The following BAHCC1 variants were observed in gnomAD, a reference collection of about 807,000 sequenced individuals.
BAHCC1 encodes the protein BAH domain and coiled-coil containing 1, also known as BAH and coiled-coil domain-containing protein 1.
A neutral mutation model predicts 88.2 loss-of-function variants in BAHCC1; 43 were observed. That is an observed-to-expected ratio of 0.49 (90% CI 0.38 to 0.63). The LOEUF (loss-of-function observed/expected upper bound fraction) is 0.63. BAHCC1 is among the 20% of genes least tolerant of loss of function. The pLI, the probability that BAHCC1 is intolerant of heterozygous loss-of-function variation, is 0.00. For missense variants in BAHCC1, 3,023 were observed against 1,654.8 expected (o/e 1.83, Z -14.34); for synonymous variants, 1,510 against 745.5 (o/e 2.03, Z -16.71).
At chr17:81,448,664 A>G (rs2064577892) in intron 11 of BAHCC1, among the ~76,000 whole-genome samples, 1 of 152,054 alleles carries the variant, frequency 6.6e-6, no homozygotes, top group Middle Eastern at 3.2e-3. Flanking sequence ...ACCGCGATGA[A>G]GAGAATGTTC....
In BAHCC1 at chr17:81,447,771, G is replaced by A. The variant is rs782720227; in HGVS notation, c.3899G>A (p.Gly1300Glu). ...ACAGTCCCCCTGCCTCATAGCTCAG[G>A]GATTCATGGGATCGCTCTGCTCAGC... is the stretch of plus-strand genomic sequence containing the variant. Reference protein sequence around the residue: ...PSTVPLPHSSGIHGIALLSEL... With the variant: ...PSTVPLPHSSEIHGIALLSEL... Residue 1300 changes from glycine to glutamate, a missense_variant, in exon 11 of 28, where the codon GGG (glycine) becomes GAG (glutamate). Gly to Glu is a moderately conservative substitution (Grantham distance 98). Coordinates refer to ENST00000675386, the MANE Select transcript of BAHCC1 (RefSeq NM_001377448.1). The A allele has an allele frequency of 8.0e-6, 6 of 749,380 alleles. No individual in the cohort carries two copies. Among genetic ancestry groups the A allele is most frequent in the Non-Finnish European group, 1.5e-5 (6 of 403,088 alleles). 46.4% of individuals were successfully genotyped at this position (749,380 alleles called of 1,614,324 possible).
chr17:81,422,448 C>T (rs1159662542), intron 2 of BAHCC1, among the ~76,000 whole-genome samples: 1 of 152,268 alleles, frequency 6.6e-6, no homozygotes, highest in Non-Finnish European at 1.5e-5. Context: ...CCCAGATCAG[C>T]AGCCCTGCCT....
Position 81,460,949 on chromosome 17 carries a change from C to G in BAHCC1, c.6286C>G (p.Leu2096Val), listed in dbSNP as rs1555659048. The G allele has an allele frequency of 1.3e-6, 1 of 771,532 alleles. No individual in the cohort carries two copies. The highest frequency in any genetic ancestry group is 2.4e-6 in the Non-Finnish European group (1 of 417,840). 47.8% of individuals were successfully genotyped at this position (771,532 alleles called of 1,614,324 possible). A position where few individuals can be genotyped will look rare whatever the true frequency, so the allele number is the denominator to read the frequency against. The change falls in exon 26 of 28, where the codon CTG (leucine) becomes GTG (valine). Residue 2096 changes from leucine to valine, a missense_variant. Transcript: ENST00000675386. ...CCTGGGCCGCCGTGGCAGCCCCTTG[C>G]TGAGCTGGTCCGCGGTGGCGCAGAC... ...HFLGRRGSPL[L>V]SWSAVAQTKR...
rs2063738034 is a variant in BAHCC1 at position 81,395,505 on chromosome 17, C to G, written c.-337C>G. The G allele has an allele frequency of 6.6e-6, 1 of 152,194 alleles. No homozygotes were observed. Among genetic ancestry groups the G allele is most frequent in the African/African-American group, 2.4e-5 (1 of 41,442 alleles). The allele number at this position is 152,194 out of a possible 1,614,324, so 9.4% of individuals were successfully genotyped here. A position where few individuals can be genotyped will look rare whatever the true frequency, so the allele number is the denominator to read the frequency against. ...CCGCTCTGGATGGGCTCGCTAGAGT[C>G]GTTGTTGTGGAAGCGGTGCATTTAC... On this transcript the variant is annotated 5_prime_UTR_variant, in exon 1 of 28. Coordinates refer to ENST00000675386, the MANE Select transcript of BAHCC1 (RefSeq NM_001377448.1).
chr17:81,406,551 G>T (rs1385026236), intron 2 of BAHCC1, among the ~76,000 whole-genome samples: 1 of 152,254 alleles, frequency 6.6e-6, no homozygotes, highest in South Asian at 2.1e-4. Flanking sequence ...ATGGGGCCTG[G>T]AAGGGCCTCG....
In BAHCC1 at chr17:81,452,894, C is replaced by T. The variant is rs782419453; in HGVS notation, c.4445+43C>T. 2.4e-4 allele frequency: 167 copies of T among 683,552 alleles called. 1 individual carries two copies. The highest frequency in any genetic ancestry group is 3.6e-4 in the Non-Finnish European group (135 of 380,138). The allele number at this position is 683,552 out of a possible 1,614,324, so 42.3% of individuals were successfully genotyped here. ...GCATGGCAGGGCGCGTGTGGCCGGC[C>T]CTGGGCCCTCGAGGCTGGGGAGCAG... On this transcript the variant is annotated intron_variant, in intron 14 of 27. Coordinates refer to ENST00000675386, the MANE Select transcript of BAHCC1 (RefSeq NM_001377448.1).
rs782486920 is a variant in BAHCC1, at chr17:81,445,536, C to G, written c.3018C>G (p.Pro1006=). The change falls in exon 10 of 28, where the codon CCC becomes CCG. Residue 1006 remains proline, a synonymous_variant. Transcript: ENST00000675386. ...PPDPKPPASS[P]TPPPRPSAPC... is the part of the protein sequence containing the mutation. ...ACCCAAAGCCCCCCGCCAGCTCCCC[C>G]ACCCCACCACCTCGGCCCAGCGCCC... 9.3e-4 allele frequency: 673 copies of G among 727,004 alleles called. 13 individuals carry two copies. The East Asian group carries it at 0.017, about 18-fold the overall frequency. 45.0% of individuals were successfully genotyped at this position (727,004 alleles called of 1,614,324 possible).
chr17:81,403,615 AT>A (rs1401189222), intron 2 of BAHCC1, among the ~76,000 whole-genome samples: 3 of 152,146 alleles, frequency 2.0e-5, no homozygotes, highest in African/African-American at 7.2e-5. Flanking sequence ...ATCATGTGAT[AT>A]TTTTTTGTAA....
chr17:81,415,609 C>G (rs986658841), intron 2 of BAHCC1: 7 of 506,244 alleles, frequency 1.4e-5, no homozygotes, highest in Non-Finnish European at 2.4e-5. Flanking sequence ...CTGAGCCAAC[C>G]TCGTTTTGGG....
At chr17:81,431,838 C>T (rs1361268881) in intron 3 of BAHCC1, among the ~76,000 whole-genome samples, 2 of 152,206 alleles carry the variant, frequency 1.3e-5, no homozygotes, top group Admixed American at 1.3e-4. Flanking sequence ...CCCTCTGCCC[C>T]GCAAGCTCCT....
At chr17:81,427,212 C>T (rs2064210631) in intron 3 of BAHCC1, among the ~76,000 whole-genome samples, 1 of 152,244 alleles carries the variant, frequency 6.6e-6, no homozygotes, top group Admixed American at 6.5e-5. Context: ...CAGATGTGTG[C>T]TCCAGATGGG....
intron 2 of BAHCC1, among the ~76,000 whole-genome samples, chr17:81,416,049 CGT>C (rs1349874121): frequency 1.3e-4 from 18 of 136,876 alleles, no homozygotes; most frequent in Admixed American, 1.4e-4. Flanking sequence ...CGCATGTGTG[CGT>C]GTGTGTCCAT....
In BAHCC1 at chr17:81,452,859, C is replaced by G; in HGVS notation, c.4445+8C>G. On this transcript the variant is annotated splice_region_variant and intron_variant, in intron 14 of 27. Coordinates refer to ENST00000675386, the MANE Select transcript of BAHCC1 (RefSeq NM_001377448.1). ...CGATGGCAAGAAAGTCAAGTGAGTC[C>G]TGGGCACTGGCATGGCAGGGCGCGT... 1 of 737,390 alleles carries G rather than the reference C, an allele frequency of 1.4e-6. No homozygotes were observed. Among genetic ancestry groups the G allele is most frequent in the Non-Finnish European group, 2.5e-6 (1 of 400,734 alleles). The allele number at this position is 737,390 out of a possible 1,614,324, so 45.7% of individuals were successfully genotyped here.
intron 2 of BAHCC1, among the ~76,000 whole-genome samples, chr17:81,425,565 TG>T (rs2064177503): frequency 9.4e-4 from 1 of 1,066 alleles, no homozygotes; most frequent in Non-Finnish European, 1.8e-3. Context: ...ATGTGGTTGG[TG>T]GTGATGTGGT....
chr17:81,407,186 C>A (rs1282198518), intron 2 of BAHCC1, among the ~76,000 whole-genome samples: 2 of 152,184 alleles, frequency 1.3e-5, no homozygotes, highest in African/African-American at 4.8e-5. Context: ...ACATGGTTTT[C>A]CAGTGGAAAT....
chr17:81,409,787 C>A (rs1186364549), intron 2 of BAHCC1, among the ~76,000 whole-genome samples: 1 of 152,214 alleles, frequency 6.6e-6, no homozygotes, highest in Non-Finnish European at 1.5e-5. Context: ...GCAAGCACCT[C>A]CCCAGCAGGC....
rs782481492 is a variant in BAHCC1, at chr17:81,459,591, C to T, written c.5892C>T (p.Gly1964=). 1 of 779,684 alleles carries T rather than the reference C, an allele frequency of 1.3e-6. No individual in the cohort carries two copies. The highest frequency in any genetic ancestry group is 1.7e-5 in the Admixed American group (1 of 59,046). 48.3% of individuals were successfully genotyped at this position (779,684 alleles called of 1,614,324 possible). A position where few individuals can be genotyped will look rare whatever the true frequency, so the allele number is the denominator to read the frequency against. ...AGAAGTCTCGATGTCTGTACCCGGGCAACGTGGTCCGGGGTAAGTTGCACC... is the reference window on the plus strand; with the variant it reads ...AGAAGTCTCGATGTCTGTACCCGGGTAACGTGGTCCGGGGTAAGTTGCACC... ...WSQKSRCLYP[G]NVVRGASGDE... Residue 1964 remains glycine, a synonymous_variant, in exon 23 of 28, where the codon GGC becomes GGT. Transcript: ENST00000675386.
At chr17:81,450,953 C>T (rs190671101) in intron 11 of BAHCC1, among the ~76,000 whole-genome samples, 302 of 152,320 alleles carry the variant, frequency 2.0e-3, no homozygotes, top group Non-Finnish European at 3.5e-3. Context: ...TCTGCACTGA[C>T]CACTGGCCTC....
intron 6 of BAHCC1, 109 bp from the exon 7 acceptor site, chr17:81,444,272 C>T (rs758323289): frequency 3.1e-6 from 2 of 639,378 alleles, no homozygotes; most frequent in Non-Finnish European, 2.8e-6. Context: ...GGCATTGGCA[C>T]CGTTGGTGGG....
Sources: allele counts gnomAD v4.1 joint callset (sites outside exome capture counted in the v4.1 genomes callset), GRCh38; gene constraint gnomAD v4.1.1; transcripts MANE v1.5; gene names NCBI Gene and HGNC (gene_info 2026-07-23, HGNC 2026-07-21).